Variants in SNAP91 observed in about 807,000 individuals in gnomAD.
SNAP91 encodes synaptosome associated protein 91, also known as clathrin coat assembly protein AP180.
A neutral mutation model predicts 100.3 loss-of-function variants in SNAP91; 27 were observed. The ratio of observed to expected loss-of-function variants is 0.27; its 90% CI spans 0.20 to 0.37. The LOEUF (loss-of-function observed/expected upper bound fraction) is 0.37. Ranked by LOEUF, SNAP91 falls within the 10% of genes least tolerant of loss-of-function variation. The pLI is 1.00. For synonymous variants in SNAP91, 404 were observed against 398.6 expected, an observed-to-expected ratio of 1.01 and a Z score of -0.16; for missense variants, 986 against 1,123.7, an observed-to-expected ratio of 0.88 and a Z score of 1.75.
intron 24 of SNAP91, among the ~76,000 whole-genome samples, chr6:83,577,767 C>T (rs1363009971): frequency 6.6e-6 from 1 of 152,148 alleles, no homozygotes; most frequent in Non-Finnish European, 1.5e-5. Context: ...AAAATTCACT[C>T]TTTTAAAGTA....
chr6:83,579,471 G>A (rs921953782), intron 24 of SNAP91, among the ~76,000 whole-genome samples: 1 of 152,284 alleles, frequency 6.6e-6, no homozygotes, highest in South Asian at 2.1e-4. Flanking sequence ...AAAACAAAAT[G>A]TATGTCCACA....
rs1289915660 is a variant in SNAP91, at chr6:83,593,501, G to A, written c.1673C>T (p.Pro558Leu). ...ACCACCAAAGATATCTAGAGCAGGA[G>A]GAGCAGTGGTGGCGGTGGCAGCGGA... Reference protein sequence around the residue: ...TTSAATATTAPPALDIFGDLF... With the variant: ...TTSAATATTALPALDIFGDLF... The change falls in exon 18 of 30, where the codon CCT (proline) becomes CTT (leucine). Residue 558 changes from proline to leucine, a missense_variant. Pro to Leu is a moderately conservative substitution (Grantham distance 98). This residue lies in a region of SNAP91 where 575 missense variants were observed against 579.9 expected (regional missense o/e 0.99). Coordinates refer to ENST00000369694, the MANE Select transcript of SNAP91 (RefSeq NM_001242792.2). 1.3e-6 allele frequency: 2 copies of A among 1,552,406 alleles called. No individual in the cohort carries two copies. The highest frequency in any genetic ancestry group is 2.0e-5 in the Admixed American group (1 of 51,020).
chr6:83,666,594 A>G (rs2098690927), intron 2 of SNAP91, among the ~76,000 whole-genome samples: 1 of 152,102 alleles, frequency 6.6e-6, no homozygotes, highest in South Asian at 2.1e-4. Flanking sequence ...CATTTTATGC[A>G]TTGCATTTCT....
Position 83,580,581 on chromosome 6 carries a change from T to C in SNAP91, c.2168A>G (p.Asp723Gly), listed in dbSNP as rs1414840833. The C allele has an allele frequency of 3.1e-6, 5 of 1,611,716 alleles. No homozygotes were observed. The highest frequency in any genetic ancestry group is 4.2e-6 in the Non-Finnish European group (5 of 1,179,246). Residue 723 changes from aspartate to glycine, a missense_variant, in exon 24 of 30, where the codon GAT (aspartate) becomes GGT (glycine). This residue lies in a region of SNAP91 where 575 missense variants were observed against 579.9 expected (regional missense o/e 0.99). Transcript: ENST00000369694. ...FDPSVFDGLGDLLMPTMAPAG... is the reference protein window; with the variant it reads ...FDPSVFDGLGGLLMPTMAPAG... Reference sequence around the variant, plus strand: ...TGGTGCCATGGTTGGCATCAAAAGATCACCTAGACCATCAAACACTGGAAA... The same window carrying C: ...TGGTGCCATGGTTGGCATCAAAAGACCACCTAGACCATCAAACACTGGAAA...
intron 16 of SNAP91, among the ~76,000 whole-genome samples, chr6:83,595,568 A>G (rs1381318074): frequency 2.0e-5 from 3 of 152,182 alleles, no homozygotes; most frequent in Non-Finnish European, 2.9e-5. Context: ...CATGATAAAC[A>G]TGACAGGCTT....
intron 12 of SNAP91, among the ~76,000 whole-genome samples, chr6:83,608,188 C>A (rs1173883292): frequency 2.0e-5 from 3 of 152,060 alleles, no homozygotes; most frequent in Non-Finnish European, 4.4e-5. Flanking sequence ...AAACCAATGT[C>A]ATTATTTTTT....
Position 83,661,598 on chromosome 6 carries a change from T to G in SNAP91, c.356A>C (p.Asp119Ala). ...FLDKSGSHGY[D>A]MSTFIRRYSR... ...ATAGCGCCTTATGAAGGTAGACATA[T>G]CATAACCTGGGAGAGTGGAAAGAAG... The change falls in exon 5 of 30, where the codon GAT becomes GCT. Residue 119 changes from aspartate (D) to alanine (A), a missense_variant. By Grantham distance (126) the Asp-to-Ala change is moderately radical. Coordinates refer to ENST00000369694, the MANE Select transcript of SNAP91 (RefSeq NM_001242792.2). 6.4e-7 allele frequency: 1 copy of G among 1,574,332 alleles called. No individual in the cohort carries two copies. Among genetic ancestry groups the G allele is most frequent in the African/African-American group, 1.4e-5 (1 of 73,626 alleles).
At chr6:83,622,699 C>T (rs955602642) in intron 9 of SNAP91, among the ~76,000 whole-genome samples, 1 of 152,046 alleles carries the variant, frequency 6.6e-6, no homozygotes, top group Non-Finnish European at 1.5e-5. Flanking sequence ...GATCCATACA[C>T]AGTACCCTCT....
At chr6:83,580,386 AG>A in intron 24 of SNAP91, 63 bp downstream of exon 24, 7 of 1,494,264 alleles carry the variant, frequency 4.7e-6, no homozygotes, top group South Asian at 1.3e-5. Context: ...AGAGAGAGAG[AG>A]AAACAAAAAA....
chr6:83,627,877 G>C (rs184928452), intron 8 of SNAP91, among the ~76,000 whole-genome samples: 2 of 151,740 alleles, frequency 1.3e-5, no homozygotes, highest in African/African-American at 4.8e-5. Flanking sequence ...TAGGTTATTG[G>C]GGAACAGGTG....
chr6:83,695,048 G>A (rs376251797), intron 2 of SNAP91, among the ~76,000 whole-genome samples: 64 of 152,082 alleles, frequency 4.2e-4, no homozygotes, highest in African/African-American at 1.5e-3. Context: ...GAGGTGGGCG[G>A]ATCACTTGAG....
chr6:83,570,142 G>A (rs911451203), intron 26 of SNAP91, among the ~76,000 whole-genome samples: 70 of 152,216 alleles, frequency 4.6e-4, no homozygotes, highest in Admixed American at 2.5e-3. Flanking sequence ...TGAAGAACTT[G>A]TTGGGAATTG....
At chr6:83,654,485 T>C (rs1333859508) in intron 7 of SNAP91, among the ~76,000 whole-genome samples, 1 of 152,208 alleles carries the variant, frequency 6.6e-6, no homozygotes, top group Non-Finnish European at 1.5e-5. Context: ...AAGCTCATTC[T>C]ACTCCTTGGG....
intron 2 of SNAP91, among the ~76,000 whole-genome samples, chr6:83,707,397 ATC>A (rs1052728527): frequency 6.6e-6 from 1 of 151,560 alleles, no homozygotes; most frequent in Non-Finnish European, 1.5e-5. Context: ...CCATAAATTC[ATC>A]TTTTTTTTTT....
intron 3 of SNAP91, among the ~76,000 whole-genome samples, chr6:83,662,843 G>T (rs2098581100): frequency 6.6e-6 from 1 of 151,826 alleles, no homozygotes; most frequent in African/African-American, 2.4e-5. Flanking sequence ...TCCATTTTTT[G>T]AACCTATAAT....
At chr6:83,599,856 C>T (rs1352017158) in intron 16 of SNAP91, among the ~76,000 whole-genome samples, 1 of 152,268 alleles carries the variant, frequency 6.6e-6, no homozygotes, top group African/African-American at 2.4e-5. Flanking sequence ...CGTGATCAGG[C>T]TCACTGTAAC....
intron 8 of SNAP91, among the ~76,000 whole-genome samples, chr6:83,633,656 G>A (rs1325217543): frequency 6.6e-6 from 1 of 152,002 alleles, no homozygotes; most frequent in Non-Finnish European, 1.5e-5. Flanking sequence ...CAGGGAAGTG[G>A]GGGAAAGCCG....
intron 29 of SNAP91, among the ~76,000 whole-genome samples, chr6:83,555,471 T>C (rs1776493553): frequency 6.6e-6 from 1 of 152,176 alleles, no homozygotes; most frequent in South Asian, 2.1e-4. Flanking sequence ...GACTGTTCTA[T>C]TGAGAAGTGG....
At chr6:83,646,007 C>T (rs1014074975) in intron 7 of SNAP91, among the ~76,000 whole-genome samples, 6 of 152,120 alleles carry the variant, frequency 3.9e-5, no homozygotes, top group African/African-American at 1.2e-4. Context: ...CCTTTTAGCA[C>T]GGAATAATAT....
Sources: gnomAD v4.1 joint callset for allele counts (sites outside exome capture counted in the v4.1 genomes callset) on GRCh38, gnomAD v4.1.1 for gene constraint, gnomAD v4.1.1 regional missense constraint, MANE v1.5 for transcripts, NCBI Gene and HGNC (gene_info 2026-07-23, HGNC 2026-07-21) for gene names.